The following CNNM2 variants were observed in gnomAD, a reference collection of about 807,000 sequenced individuals.
CNNM2 encodes the protein cyclin and CBS domain divalent metal cation transport mediator 2.
CNNM2 carries 12 observed loss-of-function variants against 66.9 expected under a neutral mutation model. The observed-to-expected ratio is 0.18, with a 90% confidence interval of 0.11 to 0.29. CNNM2 has a LOEUF of 0.29. Ranked by LOEUF, CNNM2 falls within the 10% of genes least tolerant of loss-of-function variation. CNNM2 has a pLI of 1.00. For missense variants in CNNM2, 705 were observed against 1,167.7 expected, an observed-to-expected ratio of 0.60 and a Z score of 5.77; for synonymous variants, 557 against 501.8, an observed-to-expected ratio of 1.11 and a Z score of -1.47.
Position 103,054,245 on chromosome 10 carries a change from A to G in CNNM2, c.1766-84A>G, listed in dbSNP as rs1590469855. On this transcript the variant is annotated intron_variant, in intron 2 of 7. Coordinates refer to ENST00000369878, the MANE Select transcript of CNNM2 (RefSeq NM_017649.5). The surrounding 1 kb of genome is among the most constrained non-coding windows in gnomAD (Gnocchi z 5.2). Reference sequence around the variant, plus strand: ...GGAAATACAGTCCAGCTCTTCCAATATATTTTGTCTTTTTCATTCAAAAAG... The same window carrying G: ...GGAAATACAGTCCAGCTCTTCCAATGTATTTTGTCTTTTTCATTCAAAAAG... The G allele has an allele frequency of 1.2e-5, 17 of 1,454,634 alleles. No individual in the cohort carries two copies. The highest frequency in any genetic ancestry group is 1.7e-4 in the Middle Eastern group (1 of 5,730). 90.1% of individuals were successfully genotyped at this position (1,454,634 alleles called of 1,614,324 possible). A position where few individuals can be genotyped will look rare whatever the true frequency, so the allele number is the denominator to read the frequency against.
At chr10:102,964,533 A>G (rs774469676) in intron 1 of CNNM2, among the ~76,000 whole-genome samples, 3 of 152,146 alleles carry the variant, frequency 2.0e-5, no homozygotes, top group Non-Finnish European at 4.4e-5. Context: ...CTGGCTAGAT[A>G]TTCTTAATGG....
At chr10:102,998,966 G>A (rs574636698) in intron 1 of CNNM2, among the ~76,000 whole-genome samples, 16 of 152,252 alleles carry the variant, frequency 1.1e-4, no homozygotes, top group Non-Finnish European at 1.9e-4. Context: ...GTGCAGTGGC[G>A]CAATCCGGGC....
At chr10:102,937,940 T>A (rs1846299687) in intron 1 of CNNM2, among the ~76,000 whole-genome samples, 1 of 152,106 alleles carries the variant, frequency 6.6e-6, no homozygotes, top group African/African-American at 2.4e-5. Flanking sequence ...AACGTTTAAT[T>A]TAACTATAGG....
intron 1 of CNNM2, among the ~76,000 whole-genome samples, chr10:102,995,341 C>CAG (rs1417396346): frequency 6.7e-6 from 1 of 148,832 alleles, no homozygotes; most frequent in Admixed American, 6.7e-5. Context: ...GCCTCCCAAG[C>CAG]AGCTGGGACT....
chr10:103,059,265 C>T (rs1443716491), intron 4 of CNNM2, among the ~76,000 whole-genome samples: 1 of 152,150 alleles, frequency 6.6e-6, no homozygotes, highest in Non-Finnish European at 1.5e-5. Flanking sequence ...TGAGCCACCG[C>T]GTCTGGCCTC....
intron 1 of CNNM2, among the ~76,000 whole-genome samples, chr10:103,044,228 G>T (rs945236924): frequency 6.6e-6 from 1 of 151,112 alleles, no homozygotes; most frequent in Admixed American, 6.6e-5. Context: ...TCTGCTTTCA[G>T]TCCTGACTTA....
At chr10:103,048,049 G>A (rs2065156032) in intron 1 of CNNM2, among the ~76,000 whole-genome samples, 1 of 151,758 alleles carries the variant, frequency 6.6e-6, no homozygotes, top group Non-Finnish European at 1.5e-5. Flanking sequence ...AGCCTCCTGA[G>A]TAGCTGGGAT....
intron 1 of CNNM2, among the ~76,000 whole-genome samples, chr10:103,028,828 C>CTTTTTTTTTTTTTTT (rs34401079): frequency 1.0e-5 from 1 of 99,194 alleles, no homozygotes; most frequent in Non-Finnish European, 2.0e-5. Flanking sequence ...TTTTTTTTTT[C>CTTTTTTTTTTTTTTT]TTTTTTTTTT....
At chr10:102,996,599 G>A (rs2064008494) in intron 1 of CNNM2, among the ~76,000 whole-genome samples, 8 of 152,206 alleles carry the variant, frequency 5.3e-5, no homozygotes, top group Admixed American at 5.2e-4. Flanking sequence ...TAGTACTCGG[G>A]AGGCCGAGGT....
intron 1 of CNNM2, among the ~76,000 whole-genome samples, chr10:102,949,495 A>G (rs1267330191): frequency 6.6e-6 from 1 of 151,494 alleles, no homozygotes; most frequent in African/African-American, 2.4e-5. Context: ...TTTAAATGGT[A>G]TCTAGTGGCC....
chr10:102,933,004 G>A (rs1453693651), intron 1 of CNNM2, among the ~76,000 whole-genome samples: 1 of 150,790 alleles, frequency 6.6e-6, no homozygotes, highest in Non-Finnish European at 1.5e-5. Flanking sequence ...TTAATTTTAT[G>A]TCAGTACTAC....
At chr10:103,014,118 T>G (rs751654079) in intron 1 of CNNM2, among the ~76,000 whole-genome samples, 5 of 152,246 alleles carry the variant, frequency 3.3e-5, no homozygotes, top group Non-Finnish European at 7.3e-5. Context: ...CTTTACGCAT[T>G]ACAGCTTGAA....
chr10:102,971,401 T>C (rs1480582404), intron 1 of CNNM2, among the ~76,000 whole-genome samples: 1 of 152,138 alleles, frequency 6.6e-6, no homozygotes, highest in Non-Finnish European at 1.5e-5. Flanking sequence ...GATAATTTTG[T>C]TTATTGGTTT....
chr10:103,012,540 T>G (rs1215736994), intron 1 of CNNM2, among the ~76,000 whole-genome samples: 1 of 151,126 alleles, frequency 6.6e-6, no homozygotes. Flanking sequence ...CCCAGCTACT[T>G]GGGAGGCTGA....
chr10:102,962,103 A>T (rs1320858260), intron 1 of CNNM2, among the ~76,000 whole-genome samples: 1 of 152,152 alleles, frequency 6.6e-6, no homozygotes, highest in East Asian at 1.9e-4. Flanking sequence ...TAATGGTAAA[A>T]TTCAGTGTTG....
intron 1 of CNNM2, among the ~76,000 whole-genome samples, chr10:102,924,402 G>A (rs1590254422): frequency 6.6e-6 from 1 of 152,166 alleles, no homozygotes; most frequent in Non-Finnish European, 1.5e-5. Context: ...TAGGGACTTA[G>A]CCAGCCTCTT....
chr10:103,044,789 G>A lies in CNNM2; in HGVS notation c.1622-4918G>A, dbSNP rs114602522. 3.6e-3 allele frequency among the ~76,000 whole-genome samples: 546 copies of A among 152,294 alleles called. 4 individuals carry two copies. Among genetic ancestry groups the A allele is most frequent in the African/African-American group, 0.013 (533 of 41,562 alleles). ...AAAAGAATGTGGCCCTGGGGCAGAT[G>A]GAGAAGTTTCAGCCTTGAAACAAGT... On this transcript the variant is annotated intron_variant, in intron 1 of 7. Coordinates refer to ENST00000369878, the MANE Select transcript of CNNM2 (RefSeq NM_017649.5).
Position 103,080,426 on chromosome 10 carries a change from A to C in CNNM2, c.*3246A>C, listed in dbSNP as rs1330146193. ...ACATTTAAACTCTTAGGAAAACAAAATCTTAAGACTTACACAGATATCGGG... is the reference window on the plus strand; with the variant it reads ...ACATTTAAACTCTTAGGAAAACAAACTCTTAAGACTTACACAGATATCGGG... On this transcript the variant is annotated 3_prime_UTR_variant, in exon 8 of 8. Transcript: ENST00000369878. 6.6e-6 allele frequency: 1 copy of C among 152,168 alleles called. No individual in the cohort carries two copies. The highest frequency in any genetic ancestry group is 6.5e-5 in the Admixed American group (1 of 15,286). The allele number at this position is 152,168 out of a possible 1,614,324, so 9.4% of individuals were successfully genotyped here.
rs1196208473 is a variant in CNNM2 at position 102,947,513 on chromosome 10, G to A, written c.1621+27412G>A. On this transcript the variant is annotated intron_variant, in intron 1 of 7. Transcript: ENST00000369878. ...CGCGCCTGTAATTCCAACACTTTGG[G>A]AGGCCGAGGTGGGCAGATCACATGA... 3.3e-5 allele frequency among the ~76,000 whole-genome samples: 5 copies of A among 152,230 alleles called. No individual in the cohort carries two copies. In the East Asian group the frequency reaches 9.6e-4, roughly 29 times the overall value.
Sources: allele counts gnomAD v4.1 joint callset (sites outside exome capture counted in the v4.1 genomes callset), GRCh38; gene constraint gnomAD v4.1.1; non-coding constraint Gnocchi (gnomAD v3.1); transcripts MANE v1.5; gene names NCBI Gene and HGNC (gene_info 2026-07-23, HGNC 2026-07-21).